Variants in AP5M1 observed in about 807,000 individuals in gnomAD.
AP5M1 encodes adaptor related protein complex 5 subunit mu 1.
A neutral mutation model predicts 52.3 loss-of-function variants in AP5M1; 44 were observed. The observed-to-expected ratio is 0.84, with a 90% CI of 0.66 to 1.08. The LOEUF (loss-of-function observed/expected upper bound fraction) is 1.08. AP5M1 is among the 50% of genes least tolerant of loss of function. AP5M1 has a pLI of 0.00. For synonymous variants in AP5M1, 213 were observed against 199.0 expected (o/e 1.07, Z -0.59); for missense variants, 526 against 568.4 (o/e 0.93, Z 0.76).
chr14:57,272,039 T>C (rs1464552529), intron 1 of AP5M1, among the ~76,000 whole-genome samples: 1 of 152,236 alleles, frequency 6.6e-6, no homozygotes, highest in Non-Finnish European at 1.5e-5. Context: ...TAGCTTATCT[T>C]AATATTTCAT....
In AP5M1 at chr14:57,296,774, CTTAAT is replaced by C. The variant is rs1885562222; in HGVS notation, c.*7894_*7898del. On this transcript the variant is annotated 3_prime_UTR_variant, in exon 8 of 8. Coordinates refer to ENST00000261558, the MANE Select transcript of AP5M1 (RefSeq NM_018229.4). The stretch of plus-strand genomic sequence containing the variant: ...TGAGCAATATGGTTGAGAGGGAGAC[CTTAAT>C]TTAGTCAATAAAAATTCATAATTAA... The C allele has an allele frequency of 6.6e-6, 1 of 151,882 alleles. No individual in the cohort carries two copies. The highest frequency in any genetic ancestry group is 1.5e-5 in the Non-Finnish European group (1 of 67,966). 9.4% of individuals were successfully genotyped at this position (151,882 alleles called of 1,614,324 possible).
chr14:57,283,039 T>C lies in AP5M1; in HGVS notation c.1174+20T>C. The C allele has an allele frequency of 6.3e-7, 1 of 1,576,634 alleles. No homozygotes were observed. The highest frequency in any genetic ancestry group is 8.6e-7 in the Non-Finnish European group (1 of 1,157,498). On this transcript the variant is annotated intron_variant, in intron 5 of 7. Coordinates refer to ENST00000261558, the MANE Select transcript of AP5M1 (RefSeq NM_018229.4). Reference sequence around the variant, plus strand: ...TTATTGGTGAGCAAGTTTTATTTATTGATTTTTTTTCTTTTCATTTACTGT... The same window carrying C: ...TTATTGGTGAGCAAGTTTTATTTATCGATTTTTTTTCTTTTCATTTACTGT...
chr14:57,277,088 T>A (rs1885057321), intron 2 of AP5M1, among the ~76,000 whole-genome samples: 1 of 152,076 alleles, frequency 6.6e-6, no homozygotes, highest in Non-Finnish European at 1.5e-5. Flanking sequence ...TTACACAATT[T>A]TGTGAATCTT....
rs943707440 is a variant in AP5M1, at chr14:57,269,059, G to T, written c.-256G>T. ...TTTAGAGGAAGAAAATACCGGAGTTGCAGGGTATAGGTAAATTTCTCAAGG... is the reference window on the plus strand; with the variant it reads ...TTTAGAGGAAGAAAATACCGGAGTTTCAGGGTATAGGTAAATTTCTCAAGG... On this transcript the variant is annotated 5_prime_UTR_variant, in exon 1 of 8. Transcript: ENST00000261558. 6.2e-5 allele frequency: 35 copies of T among 560,148 alleles called. No homozygotes were observed. Among genetic ancestry groups the T allele is most frequent in the Non-Finnish European group, 1.0e-4 (32 of 320,762 alleles). The allele number at this position is 560,148 out of a possible 1,614,324, so 34.7% of individuals were successfully genotyped here.
Position 57,274,892 on chromosome 14 carries a change from G to A in AP5M1, c.720+3G>A. The A allele has an allele frequency of 6.2e-7, 1 of 1,614,086 alleles. No individual in the cohort carries two copies. Among genetic ancestry groups the A allele is most frequent in the Non-Finnish European group, 8.5e-7 (1 of 1,179,990 alleles). ...TTGTTGGAACAGTGACTTGCAAGGTGAGATTTTTCTCTGGTACTTGCTTTA... is the reference window on the plus strand; with the variant it reads ...TTGTTGGAACAGTGACTTGCAAGGTAAGATTTTTCTCTGGTACTTGCTTTA... On this transcript the variant is annotated splice_donor_region_variant and intron_variant, in intron 2 of 7. Coordinates refer to ENST00000261558, the MANE Select transcript of AP5M1 (RefSeq NM_018229.4).
At position 57,288,962 on chromosome 14, in the gene AP5M1, C is replaced by A; in HGVS notation, c.*78C>A. 1 of 823,014 alleles carries A rather than the reference C, an allele frequency of 1.2e-6. No individual in the cohort carries two copies. The highest frequency in any genetic ancestry group is 1.7e-5 in the South Asian group (1 of 57,822). 51.0% of individuals were successfully genotyped at this position (823,014 alleles called of 1,614,324 possible). On this transcript the variant is annotated 3_prime_UTR_variant, in exon 8 of 8. Coordinates refer to ENST00000261558, the MANE Select transcript of AP5M1 (RefSeq NM_018229.4). ...TAATCTTATATTTTTAATGTGGATG[C>A]ATATAACCTGTGAGTGAAAAATCAC...
chr14:57,287,032 A>T (rs1031208157), intron 7 of AP5M1, among the ~76,000 whole-genome samples: 7 of 151,808 alleles, frequency 4.6e-5, no homozygotes, highest in Admixed American at 4.6e-4. Context: ...CACACGAAAC[A>T]TATGAAAATA....
chr14:57,286,364 G>C (rs747320167), intron 7 of AP5M1, 45 bp downstream of exon 7: 2 of 1,235,214 alleles, frequency 1.6e-6, no homozygotes, highest in Non-Finnish European at 2.4e-6. Context: ...TTAAAATGGT[G>C]TTTGCAGTTA....
intron 2 of AP5M1, among the ~76,000 whole-genome samples, chr14:57,276,881 A>G (rs565142265): frequency 6.6e-6 from 1 of 152,224 alleles, no homozygotes; most frequent in South Asian, 2.1e-4. Context: ...TTGTATGTAC[A>G]TAGTATAACT....
At chr14:57,278,563 C>T (rs947398484) in intron 2 of AP5M1, 1 of 152,188 alleles carries the variant, frequency 6.6e-6, no homozygotes, top group Non-Finnish European at 1.5e-5. Context: ...CAAACTAACC[C>T]AGACTACATA....
chr14:57,274,114 G>T (rs190408765), intron 1 of AP5M1, 130 bp from the exon 2 acceptor site: 6 of 983,038 alleles, frequency 6.1e-6, no homozygotes, highest in Non-Finnish European at 8.7e-6. Flanking sequence ...GTGGATGTGT[G>T]TATATATTTG....
At position 57,280,401 on chromosome 14, in the gene AP5M1, C is replaced by T; in HGVS notation, c.927C>T (p.Asn309=). Reference sequence around the variant, plus strand: ...TCACTCCACCTTTAGAGTCATTCAACTTATGCTTCTACACTTCCCAGGTAA... The same window carrying T: ...TCACTCCACCTTTAGAGTCATTCAATTTATGCTTCTACACTTCCCAGGTAA... ...FPFTPPLESF[N]LCFYTSQVPV... Residue 309 remains asparagine (N), a synonymous_variant, in exon 3 of 8, where the codon AAC becomes AAT. Coordinates refer to ENST00000261558, the MANE Select transcript of AP5M1 (RefSeq NM_018229.4). 1 of 1,611,950 alleles carries T rather than the reference C, an allele frequency of 6.2e-7. No homozygotes were observed. The highest frequency in any genetic ancestry group is 1.1e-5 in the South Asian group (1 of 91,048).
rs948115608 is a variant in AP5M1 at position 57,295,016 on chromosome 14, C to G, written c.*6132C>G. The G allele has an allele frequency of 1.3e-5, 2 of 151,828 alleles. No individual in the cohort carries two copies. Among genetic ancestry groups the G allele is most frequent in the Admixed American group, 1.3e-4 (2 of 15,208 alleles). The allele number at this position is 151,828 out of a possible 1,614,324, so 9.4% of individuals were successfully genotyped here. On this transcript the variant is annotated 3_prime_UTR_variant, in exon 8 of 8. Coordinates refer to ENST00000261558, the MANE Select transcript of AP5M1 (RefSeq NM_018229.4). Reference sequence around the variant, plus strand: ...ACTGCCCGTTGCAGACATGGGCCTACTAAACTAGAAAGAGCATTTGAAGAG... The same window carrying G: ...ACTGCCCGTTGCAGACATGGGCCTAGTAAACTAGAAAGAGCATTTGAAGAG...
rs1885385823 is a variant in AP5M1, at chr14:57,289,356, C to A, written c.*472C>A. The A allele has an allele frequency of 6.6e-6, 1 of 152,268 alleles. No individual in the cohort carries two copies. The highest frequency in any genetic ancestry group is 1.5e-5 in the Non-Finnish European group (1 of 68,214). 9.4% of individuals were successfully genotyped at this position (152,268 alleles called of 1,614,324 possible). Reference sequence around the variant, plus strand: ...CTCTTCCAAATCTAAGTACTAAGCTCCTAGTATAAGGTGTTGTTACAGAAT... The same window carrying A: ...CTCTTCCAAATCTAAGTACTAAGCTACTAGTATAAGGTGTTGTTACAGAAT... On this transcript the variant is annotated 3_prime_UTR_variant, in exon 8 of 8. Transcript: ENST00000261558.
chr14:57,287,164 C>A (rs1396930634), intron 7 of AP5M1, among the ~76,000 whole-genome samples: 2 of 151,918 alleles, frequency 1.3e-5, no homozygotes, highest in Non-Finnish European at 2.9e-5. Flanking sequence ...ACCTTTTTGC[C>A]TCATACATTA....
chr14:57,280,997 A>G (rs959523501), intron 3 of AP5M1, among the ~76,000 whole-genome samples: 2 of 152,098 alleles, frequency 1.3e-5, no homozygotes, highest in African/African-American at 4.8e-5. Flanking sequence ...AGATTTTGGT[A>G]TGATTTAGTC....
intron 2 of AP5M1, among the ~76,000 whole-genome samples, chr14:57,277,758 G>T (rs1000311889): frequency 1.7e-5 from 2 of 118,592 alleles, no homozygotes. Flanking sequence ...ACAAAAGTAG[G>T]TTTATAATTA....
intron 1 of AP5M1, 48 bp downstream of exon 1, chr14:57,269,436 G>C: frequency 6.3e-7 from 1 of 1,594,860 alleles, no homozygotes; most frequent in South Asian, 1.1e-5. Context: ...GAAGATCGAT[G>C]AAGTAGCATA....
At chr14:57,271,684 T>A (rs1385034534) in intron 1 of AP5M1, among the ~76,000 whole-genome samples, 1 of 152,236 alleles carries the variant, frequency 6.6e-6, no homozygotes, top group Non-Finnish European at 1.5e-5. Context: ...TTTGATGCAA[T>A]CAAACTAGTT....
Sources: allele counts gnomAD v4.1 joint callset (sites outside exome capture counted in the v4.1 genomes callset), GRCh38; gene constraint gnomAD v4.1.1; transcripts MANE v1.5; gene names NCBI Gene and HGNC (gene_info 2026-07-23, HGNC 2026-07-21).